ZFYVE9: variants seen among roughly 807,000 people sequenced by gnomAD.
ZFYVE9 encodes zinc finger FYVE-type containing 9.
Under a neutral mutation model 126.7 loss-of-function variants are expected in ZFYVE9, and 43 were observed. The observed-to-expected ratio is 0.34, with a 90% confidence interval of 0.27 to 0.44. The LOEUF is 0.44. ZFYVE9 is among the 20% of genes least tolerant of loss of function. ZFYVE9 has a pLI of 1.00. For synonymous variants in ZFYVE9, 521 were observed against 597.4 expected, an observed-to-expected ratio of 0.87 and a Z score of 1.87; for missense variants, 1,476 against 1,697.0, an observed-to-expected ratio of 0.87 and a Z score of 2.29.
intron 1 of ZFYVE9, among the ~76,000 whole-genome samples, chr1:52,200,081 C>T (rs1463189366): frequency 1.3e-5 from 2 of 151,264 alleles, no homozygotes; most frequent in Non-Finnish European, 2.9e-5. Flanking sequence ...GGATAATAGA[C>T]CTTTATCAGA....
intron 1 of ZFYVE9, among the ~76,000 whole-genome samples, chr1:52,204,956 A>G (rs1188294604): frequency 6.6e-6 from 1 of 151,794 alleles, no homozygotes; most frequent in Non-Finnish European, 1.5e-5. Flanking sequence ...TCTGCCCGAC[A>G]TCTGGTTCCC....
chr1:52,208,598 A>G (rs927215696), intron 1 of ZFYVE9, among the ~76,000 whole-genome samples: 15 of 151,640 alleles, frequency 9.9e-5, no homozygotes, highest in South Asian at 6.3e-4. Flanking sequence ...GCCCGGCGCA[A>G]TCTTGGCCCA....
chr1:52,159,406 G>A (rs1644434322), intron 1 of ZFYVE9, among the ~76,000 whole-genome samples: 1 of 152,216 alleles, frequency 6.6e-6, no homozygotes, highest in African/African-American at 2.4e-5. Flanking sequence ...CATGAAGTAG[G>A]AGAGGACTTC....
At chr1:52,181,503 AC>A (rs1273739006) in intron 1 of ZFYVE9, among the ~76,000 whole-genome samples, 2 of 151,444 alleles carry the variant, frequency 1.3e-5, no homozygotes, top group Non-Finnish European at 2.9e-5. Flanking sequence ...CCCGGCCGCC[AC>A]CCCGTCTGGG....
chr1:52,305,314 A>T (rs1408636143), intron 13 of ZFYVE9, among the ~76,000 whole-genome samples: 4 of 152,136 alleles, frequency 2.6e-5, no homozygotes, highest in Non-Finnish European at 5.9e-5. Flanking sequence ...CTGTAATGCC[A>T]GCTACTCGGG....
At chr1:52,191,236 G>A (rs1379573067) in intron 1 of ZFYVE9, among the ~76,000 whole-genome samples, 1 of 152,094 alleles carries the variant, frequency 6.6e-6, no homozygotes, top group Non-Finnish European at 1.5e-5. Flanking sequence ...CACCATGCCC[G>A]GTCAATGAAT....
chr1:52,243,012 G>A (rs969910233), intron 4 of ZFYVE9, among the ~76,000 whole-genome samples: 2 of 152,114 alleles, frequency 1.3e-5, no homozygotes, highest in Non-Finnish European at 2.9e-5. Flanking sequence ...TCCCCATTAG[G>A]CTGTAAAGAT....
chr1:52,342,279 T>G (rs1156385380), intron 17 of ZFYVE9, among the ~76,000 whole-genome samples: 6 of 150,840 alleles, frequency 4.0e-5, no homozygotes, highest in African/African-American at 1.5e-4. Context: ...TTTTTTTTTT[T>G]TTTTGAGACA....
chr1:52,224,222 C>T (rs773749643), intron 2 of ZFYVE9, among the ~76,000 whole-genome samples: 6 of 152,058 alleles, frequency 3.9e-5, no homozygotes, highest in South Asian at 4.1e-4. Context: ...GGGGCATGTT[C>T]AGGTGGCTGT....
intron 8 of ZFYVE9, among the ~76,000 whole-genome samples, chr1:52,274,833 G>A (rs1465454485): frequency 2.0e-5 from 3 of 152,114 alleles, no homozygotes; most frequent in East Asian, 1.9e-4. Context: ...TAGTTTATTA[G>A]CAGTTTTTAA....
chr1:52,336,110 G>A lies in ZFYVE9; in HGVS notation c.3670+1342G>A, dbSNP rs374287875. 1.4e-4 allele frequency among the ~76,000 whole-genome samples: 22 copies of A among 151,988 alleles called. No homozygotes were observed. In the East Asian group the frequency reaches 1.7e-3, roughly 12 times the overall value. On this transcript the variant is annotated intron_variant, in intron 15 of 18. Coordinates refer to ENST00000287727, the MANE Select transcript of ZFYVE9 (RefSeq NM_004799.4). ...GATTGTGCCATTGTACTCCAGCCTG[G>A]GCGACAGAGTGAGACTCTATCTTTA...
chr1:52,219,885 C>T (rs1435933071), intron 2 of ZFYVE9, among the ~76,000 whole-genome samples: 2 of 151,606 alleles, frequency 1.3e-5, no homozygotes, highest in Admixed American at 1.3e-4. Flanking sequence ...TCAAGCAATT[C>T]TCCTGCCTTG....
At chr1:52,156,045 C>T (rs1005850894) in intron 1 of ZFYVE9, among the ~76,000 whole-genome samples, 23 of 152,168 alleles carry the variant, frequency 1.5e-4, no homozygotes, top group African/African-American at 5.1e-4. Flanking sequence ...GTATCACTGA[C>T]GTGATGGATC....
chr1:52,256,063 CTT>C lies in ZFYVE9; in HGVS notation c.2179-7708_2179-7707del, dbSNP rs1267864521. On this transcript the variant is annotated intron_variant, in intron 4 of 18. Coordinates refer to ENST00000287727, the MANE Select transcript of ZFYVE9 (RefSeq NM_004799.4). ...TTTCTTTCTCTCTCTCTCTCTCTCTCTTTCTTTCTTTTCTTTCTTTCAGATGG... is the reference window on the plus strand; with the variant it reads ...TTTCTTTCTCTCTCTCTCTCTCTCTCTCTTTCTTTTCTTTCTTTCAGATGG... 1.4e-3 allele frequency among the ~76,000 whole-genome samples: 160 copies of C among 112,406 alleles called. 1 individual carries two copies. Among genetic ancestry groups the C allele is most frequent in the African/African-American group, 5.1e-3 (148 of 29,194 alleles). The allele number at this position is 112,406 out of a possible 152,430, so 73.7% of individuals were successfully genotyped here.
chr1:52,175,614 C>A (rs890266934), intron 1 of ZFYVE9, among the ~76,000 whole-genome samples: 11 of 151,772 alleles, frequency 7.2e-5, no homozygotes, highest in Admixed American at 7.2e-4. Context: ...CAACTTGGTT[C>A]CATTCTCCCC....
chr1:52,325,919 T>C (rs1646287403), intron 13 of ZFYVE9, among the ~76,000 whole-genome samples: 2 of 152,232 alleles, frequency 1.3e-5, no homozygotes, highest in African/African-American at 2.4e-5. Flanking sequence ...GTTATAACTC[T>C]TCACACACTT....
intron 1 of ZFYVE9, chr1:52,189,847 TGC>T (rs1644800941): frequency 6.6e-6 from 1 of 152,190 alleles, no homozygotes; most frequent in South Asian, 2.1e-4. Context: ...ACTTTATTCT[TGC>T]GCATGTGAAC....
intron 4 of ZFYVE9, among the ~76,000 whole-genome samples, chr1:52,241,477 G>A (rs346562): frequency 0.23 from 34,768 of 152,124 alleles, 8,236 homozygotes; most frequent in African/African-American, 0.61. Context: ...ACTTTCTGAA[G>A]TGTTTGCTTT....
At chr1:52,252,944 T>C (rs1240752691) in intron 4 of ZFYVE9, among the ~76,000 whole-genome samples, 2 of 152,212 alleles carry the variant, frequency 1.3e-5, no homozygotes, top group Non-Finnish European at 2.9e-5. Context: ...CTAGGTGCGG[T>C]GGCTCACGCC....
Sources: allele counts gnomAD v4.1 joint callset (sites outside exome capture counted in the v4.1 genomes callset), GRCh38; gene constraint gnomAD v4.1.1; transcripts MANE v1.5; gene names NCBI Gene and HGNC (gene_info 2026-07-23, HGNC 2026-07-21).